Variants in DSP observed in about 807,000 individuals in gnomAD.
DSP encodes the protein 250/210 kDa paraneoplastic pemphigus antigen.
A neutral mutation model predicts 290.6 loss-of-function variants in DSP; 114 were observed. The observed-to-expected ratio is 0.39, with a 90% confidence interval of 0.34 to 0.46. The LOEUF (loss-of-function observed/expected upper bound fraction) is 0.46. DSP is among the 20% of genes least tolerant of loss of function. DSP has a pLI of 0.99. For synonymous variants in DSP, 1,311 were observed against 1,316.4 expected (o/e 1.00, Z 0.09); for missense variants, 3,230 against 3,495.8 (o/e 0.92, Z 1.92).
chr6:7,580,870 G>GGAT lies in DSP; in HGVS notation c.4680_4681insGAT (p.Gln1560_Asn1561insAsp). On this transcript the variant is annotated inframe_insertion, in exon 23 of 24. Transcript: ENST00000379802. The surrounding 1 kb of genome is among the most constrained non-coding windows in gnomAD (Gnocchi z 4.2). ...AGGACCAGGATATCACGCGGTTCCA[G>GGAT]AACTCTCTGAAAGAGCTGCAGCTGC... The GGAT allele has an allele frequency of 6.2e-7, 1 of 1,614,154 alleles. No individual in the cohort carries two copies. Among genetic ancestry groups the GGAT allele is most frequent in the South Asian group, 1.1e-5 (1 of 91,074 alleles).
chr6:7,544,650 A>C (rs556290201), intron 1 of DSP, among the ~76,000 whole-genome samples: 242 of 152,148 alleles, frequency 1.6e-3, no homozygotes, highest in Non-Finnish European at 2.5e-3. Flanking sequence ...AAGAAATTTG[A>C]ATGTGTGGAG....
chr6:7,580,137 CT>C lies in DSP; in HGVS notation c.3948del (p.Ala1317ProfsTer32). The C allele has an allele frequency of 6.2e-7, 1 of 1,614,048 alleles. No homozygotes were observed. The highest frequency in any genetic ancestry group is 8.5e-7 in the Non-Finnish European group (1 of 1,180,002). On this transcript the variant is annotated frameshift_variant, in exon 23 of 24. Coordinates refer to ENST00000379802, the MANE Select transcript of DSP (RefSeq NM_004415.4). LOFTEE classifies it high-confidence loss of function. The surrounding 1 kb of genome is among the most constrained non-coding windows in gnomAD (Gnocchi z 4.2). ...CGGCACAAGCAGTCCCTGGAGGAGG[CT>C]GCCAAGACCATTCAGGACAAAAATA... ...NARHKQSLEE[A>X]AKTIQDKNKE... is the part of the protein sequence containing the mutation.
chr6:7,581,230 G>A lies in DSP; in HGVS notation c.5040G>A (p.Leu1680=), dbSNP rs766078629. 1 of 1,614,190 alleles carries A rather than the reference G, an allele frequency of 6.2e-7. No individual in the cohort carries two copies. The highest frequency in any genetic ancestry group is 8.5e-7 in the Non-Finnish European group (1 of 1,180,042). Residue 1680 remains leucine, a synonymous_variant, in exon 23 of 24, where the codon TTG becomes TTA. Transcript: ENST00000379802. The part of the protein sequence containing the change: ...QEQESVKQAH[L]RNEHFQKAIE... ...AGGAAAGTGTCAAACAAGCTCACTT[G>A]AGGAATGAGCATTTCCAGAAGGCGA...
chr6:7,577,939 C>A, intron 21 of DSP, 53 bp downstream of exon 21: 1 of 1,428,376 alleles, frequency 7.0e-7, no homozygotes, highest in Non-Finnish European at 9.8e-7. Context: ...CTGCTTCTTC[C>A]CTTTTCCCTG....
chr6:7,574,557 G>A, intron 16 of DSP, 100 bp from the exon 17 acceptor site: 1 of 1,539,790 alleles, frequency 6.5e-7, no homozygotes, highest in Non-Finnish European at 9.0e-7. Flanking sequence ...ATTTTTATCT[G>A]CTTTGACGTT....
chr6:7,542,031 GGA>G lies in DSP; in HGVS notation c.117_118del (p.Arg39SerfsTer53). On this transcript the variant is annotated frameshift_variant, in exon 1 of 24. Transcript: ENST00000379802. LOFTEE classifies it high-confidence loss of function. ...ACCAGCGGCGGCGGGGGCACCAGCA[GGA>G]TGTACTATTCTCGGCGCGGCGTGAT... is the stretch of plus-strand genomic sequence containing the variant. The G allele has an allele frequency of 6.3e-7, 1 of 1,581,158 alleles. No homozygotes were observed. The highest frequency in any genetic ancestry group is 8.6e-7 in the Non-Finnish European group (1 of 1,164,522).
intron 2 of DSP, 147 bp downstream of exon 2, chr6:7,555,967 G>A: frequency 1.4e-6 from 1 of 736,516 alleles, no homozygotes; most frequent in East Asian, 2.7e-5. Flanking sequence ...ACTACAGAGA[G>A]ATGTGTGTCT....
rs1758933736 is a variant in DSP, at chr6:7,568,553, T to C, written c.1383T>C (p.Ile461=). The change falls in exon 11 of 24, where the codon ATT becomes ATC. Residue 461 remains isoleucine (I), a synonymous_variant. Coordinates refer to ENST00000379802, the MANE Select transcript of DSP (RefSeq NM_004415.4). ...CAGACTACAGAAGCAATAAACCCATTATTCTCAGAGCTCTCTGTGACTACA... is the reference window on the plus strand; with the variant it reads ...CAGACTACAGAAGCAATAAACCCATCATTCTCAGAGCTCTCTGTGACTACA... ...RNPDYRSNKP[I]ILRALCDYKQ... is the part of the protein sequence containing the mutation. 1 of 1,613,972 alleles carries C rather than the reference T, an allele frequency of 6.2e-7. No individual in the cohort carries two copies. The highest frequency in any genetic ancestry group is 1.3e-5 in the African/African-American group (1 of 74,916).
Position 7,579,929 on chromosome 6 carries a change from C to T in DSP, c.3739C>T (p.Arg1247Ter), listed in dbSNP as rs1413961070. 2.5e-6 allele frequency: 4 copies of T among 1,613,918 alleles called. No individual in the cohort carries two copies. Among genetic ancestry groups the T allele is most frequent in the Non-Finnish European group, 3.4e-6 (4 of 1,180,036 alleles). The change falls in exon 23 of 24, where the codon CGA becomes TGA. Residue 1247 changes from arginine to a stop codon, truncating the protein, a stop_gained. Coordinates refer to ENST00000379802, the MANE Select transcript of DSP (RefSeq NM_004415.4). LOFTEE classifies it high-confidence loss of function. This position sits in a 1 kb window ranked among gnomAD's most constrained non-coding sequence, Gnocchi z 4.1. ...NQLDRLSREN[R>*]DLKDEIVRLN... ...GCTTGATAGACTTTCAAGGGAAAAT[C>T]GAGATCTGAAGGATGAAATTGTCAG...
At chr6:7,574,015 G>T in intron 15 of DSP, 71 bp from the exon 16 acceptor site, 1 of 1,531,812 alleles carries the variant, frequency 6.5e-7, no homozygotes, top group South Asian at 1.1e-5. Flanking sequence ...ACAGCATATT[G>T]TACACCTTAA....
Position 7,579,285 on chromosome 6 carries a change from C to A in DSP, c.3095C>A (p.Thr1032Asn), listed in dbSNP as rs1236768993. The A allele has an allele frequency of 2.5e-6, 4 of 1,614,058 alleles. No homozygotes were observed. The South Asian group carries it at 4.4e-5, about 18-fold the overall frequency. Reference protein sequence around the residue: ...KSLEDLKLKNTKIEVLEEELR... With the variant: ...KSLEDLKLKNNKIEVLEEELR... ...GATTTCATTCCACAGCTGAAAAATA[C>A]CAAGATCGAAGTTTTGGAAGAGGAG... Residue 1032 changes from threonine (T) to asparagine (N), a missense_variant, in exon 23 of 24, where the codon ACC becomes AAC. Around this residue, in one of 5 missense-constraint regions of DSP, gnomAD observed 1,714 missense variants for 1,844.5 expected, o/e 0.93. Transcript: ENST00000379802. This position sits in a 1 kb window ranked among gnomAD's most constrained non-coding sequence, Gnocchi z 4.1.
intron 23 of DSP, 71 bp downstream of exon 23, chr6:7,581,640 C>G: frequency 6.3e-7 from 1 of 1,591,934 alleles, no homozygotes; most frequent in Non-Finnish European, 8.5e-7. Flanking sequence ...CTCATCTGAA[C>G]TGTGCTCTTT....
intron 15 of DSP, among the ~76,000 whole-genome samples, 163 bp from the exon 16 acceptor site, chr6:7,573,923 A>G (rs1362403461): frequency 6.6e-6 from 1 of 152,202 alleles, no homozygotes; most frequent in Non-Finnish European, 1.5e-5. Context: ...CACACATACA[A>G]AAAAAGATAA....
chr6:7,563,613 ATTCT>A (rs1001629239), intron 5 of DSP, 119 bp from the exon 6 acceptor site: 6 of 818,386 alleles, frequency 7.3e-6, no homozygotes, highest in South Asian at 4.3e-5. Flanking sequence ...AGAGCTAGTA[ATTCT>A]TTCTTTCTAT....
intron 1 of DSP, among the ~76,000 whole-genome samples, chr6:7,548,330 C>G (rs1758230290): frequency 6.6e-6 from 1 of 152,166 alleles, no homozygotes; most frequent in Non-Finnish European, 1.5e-5. Flanking sequence ...CAAGTAAGAG[C>G]TATCACTAAG....
At chr6:7,567,631 G>A (rs954587735) in intron 9 of DSP, 150 bp from the exon 10 acceptor site, 1 of 1,278,414 alleles carries the variant, frequency 7.8e-7, no homozygotes, top group Non-Finnish European at 1.1e-6. Flanking sequence ...GTTTCCCGCT[G>A]CCACATACCT....
chr6:7,574,439 A>C (rs1486838906), intron 16 of DSP, among the ~76,000 whole-genome samples, 187 bp downstream of exon 16: 1 of 152,144 alleles, frequency 6.6e-6, no homozygotes, highest in Non-Finnish European at 1.5e-5. Flanking sequence ...CTGAACTATA[A>C]TGTTATCTTA....
At chr6:7,569,706 T>G (rs1325916026) in intron 12 of DSP, among the ~76,000 whole-genome samples, 1 of 151,522 alleles carries the variant, frequency 6.6e-6, no homozygotes, top group African/African-American at 2.4e-5. Context: ...TGGTGGTACA[T>G]GCCTGTAATC....
chr6:7,584,449 A>G lies in DSP; in HGVS notation c.7187A>G (p.Tyr2396Cys). Residue 2396 changes from tyrosine (Y) to cysteine (C), a missense_variant, in exon 24 of 24, where the codon TAT becomes TGT. Around this residue, in one of 5 missense-constraint regions of DSP, gnomAD observed 207 missense variants for 281.2 expected, o/e 0.74. Transcript: ENST00000379802. The surrounding 1 kb of genome is among the most constrained non-coding windows in gnomAD (Gnocchi z 6.4). Reference sequence around the variant, plus strand: ...GTTGACATAGCATATAAGAGGGGCTATTTCAATGAGGAACTCAGTGAGATT... The same window carrying G: ...GTTGACATAGCATATAAGAGGGGCTGTTTCAATGAGGAACTCAGTGAGATT... ...LPVDIAYKRGYFNEELSEILS... is the reference protein window; with the variant it reads ...LPVDIAYKRGCFNEELSEILS... 1 of 1,614,226 alleles carries G rather than the reference A, an allele frequency of 6.2e-7. No individual in the cohort carries two copies. Among genetic ancestry groups the G allele is most frequent in the Non-Finnish European group, 8.5e-7 (1 of 1,180,038 alleles).
Sources: allele counts gnomAD v4.1 joint callset (sites outside exome capture counted in the v4.1 genomes callset), GRCh38; gene constraint gnomAD v4.1.1; regional missense constraint gnomAD v4.1.1; non-coding constraint Gnocchi (gnomAD v3.1); transcripts MANE v1.5; gene names NCBI Gene and HGNC (gene_info 2026-07-23, HGNC 2026-07-21).